RNGTT: variants seen among roughly 807,000 people sequenced by gnomAD.
RNGTT encodes the protein RNA guanylyltransferase and 5'-phosphatase, also known as mRNA-capping enzyme.
A neutral mutation model predicts 79.3 loss-of-function variants in RNGTT; 33 were observed. That is an observed-to-expected ratio of 0.42 (90% CI 0.32 to 0.56). The LOEUF is 0.56. Ranked by LOEUF, RNGTT falls within the 20% of genes least tolerant of loss-of-function variation. The pLI, the probability that RNGTT is intolerant of heterozygous loss-of-function variation, is 0.17. For synonymous variants in RNGTT, 222 were observed against 235.9 expected (o/e 0.94, Z 0.54); for missense variants, 497 against 739.1 (o/e 0.67, Z 3.80).
At chr6:88,962,259 T>C (rs1403390131) in intron 1 of RNGTT, among the ~76,000 whole-genome samples, 1 of 152,074 alleles carries the variant, frequency 6.6e-6, no homozygotes, top group East Asian at 1.9e-4. Flanking sequence ...AGTCAAAATT[T>C]ATCAAACTGT....
chr6:88,945,790 G>A (rs1314631611), intron 1 of RNGTT, among the ~76,000 whole-genome samples: 2 of 152,198 alleles, frequency 1.3e-5, no homozygotes, highest in Non-Finnish European at 2.9e-5. Flanking sequence ...GCCAAAGTTA[G>A]CTATACGACT....
In RNGTT at chr6:88,684,795, T is replaced by A. The variant is rs184366280; in HGVS notation, c.1440-6376A>T. 7.2e-5 allele frequency among the ~76,000 whole-genome samples: 11 copies of A among 152,092 alleles called. No homozygotes were observed. The South Asian group carries it at 8.3e-4, about 12-fold the overall frequency. On this transcript the variant is annotated intron_variant, in intron 13 of 15. Coordinates refer to ENST00000369485, the MANE Select transcript of RNGTT (RefSeq NM_003800.5). ...TACAGACTTTAGTGATAATTACATG[T>A]CAACATAGGTTCATCAACTCTAATA...
chr6:88,699,908 G>A (rs2127801176), intron 13 of RNGTT, among the ~76,000 whole-genome samples: 1 of 152,282 alleles, frequency 6.6e-6, no homozygotes, highest in East Asian at 1.9e-4. Context: ...TACCAGGGGT[G>A]AAGAAGAGAG....
At chr6:88,917,719 T>C (rs1465016183) in intron 4 of RNGTT, among the ~76,000 whole-genome samples, 2 of 152,024 alleles carry the variant, frequency 1.3e-5, no homozygotes, top group Admixed American at 6.6e-5. Context: ...AAACCTCATC[T>C]CTACTAAAAA....
intron 1 of RNGTT, among the ~76,000 whole-genome samples, chr6:88,957,461 T>C (rs1466908031): frequency 1.3e-5 from 2 of 152,170 alleles, no homozygotes; most frequent in African/African-American, 4.8e-5. Flanking sequence ...ATTGTATACA[T>C]AGGAAACCCT....
chr6:88,649,357 A>G (rs2127777022), intron 14 of RNGTT, among the ~76,000 whole-genome samples: 1 of 152,314 alleles, frequency 6.6e-6, no homozygotes, highest in East Asian at 1.9e-4. Context: ...TACAGTGGGC[A>G]ACAGTTCATT....
intron 4 of RNGTT, among the ~76,000 whole-genome samples, chr6:88,912,189 G>A (rs1488662424): frequency 6.6e-6 from 1 of 151,648 alleles, no homozygotes; most frequent in Non-Finnish European, 1.5e-5. Flanking sequence ...GATCACCTGA[G>A]CCCAAGAGTT....
At chr6:88,888,498 G>A (rs187322219) in intron 8 of RNGTT, among the ~76,000 whole-genome samples, 1 of 152,244 alleles carries the variant, frequency 6.6e-6, no homozygotes, top group African/African-American at 2.4e-5. Flanking sequence ...AGGGAAGGGT[G>A]CAGAATGGGT....
At chr6:88,645,516 A>G (rs1262707160) in intron 14 of RNGTT, among the ~76,000 whole-genome samples, 2 of 152,244 alleles carry the variant, frequency 1.3e-5, no homozygotes, top group African/African-American at 4.8e-5. Context: ...TAAAGTTCAT[A>G]TGGAACCAAA....
At position 88,714,653 on chromosome 6, in the gene RNGTT, G is replaced by A. The variant is rs1397176715; in HGVS notation, c.1440-36234C>T. 7.6e-5 allele frequency among the ~76,000 whole-genome samples: 7 copies of A among 91,538 alleles called. 1 individual carries two copies. Among genetic ancestry groups the A allele is most frequent in the South Asian group, 3.2e-4 (1 of 3,112 alleles). 60.1% of individuals were successfully genotyped at this position (91,538 alleles called of 152,430 possible). A position where few individuals can be genotyped will look rare whatever the true frequency, so the allele number is the denominator to read the frequency against. On this transcript the variant is annotated intron_variant, in intron 13 of 15. Coordinates refer to ENST00000369485, the MANE Select transcript of RNGTT (RefSeq NM_003800.5). Reference sequence around the variant, plus strand: ...GAGACGGGGTTTCACCGTTTTAGCCGGGATGGTCTCGATCTCCTGACCTCG... The same window carrying A: ...GAGACGGGGTTTCACCGTTTTAGCCAGGATGGTCTCGATCTCCTGACCTCG...
Position 88,666,975 on chromosome 6 carries a change from T to C in RNGTT, c.1506+11378A>G, listed in dbSNP as rs559811634. 2.0e-5 allele frequency among the ~76,000 whole-genome samples: 3 copies of C among 152,300 alleles called. No individual in the cohort carries two copies. In the South Asian group the frequency reaches 6.2e-4, roughly 32 times the overall value. ...CTATTGAACTCAGGGGGAAAGGACA[T>C]TTAGTATCAGCAAGAAATTTTACAG... On this transcript the variant is annotated intron_variant, in intron 14 of 15. Transcript: ENST00000369485.
chr6:88,893,788 A>G (rs1282772510), intron 6 of RNGTT, among the ~76,000 whole-genome samples: 1 of 151,996 alleles, frequency 6.6e-6, no homozygotes, highest in East Asian at 1.9e-4. Flanking sequence ...CACAACAAAT[A>G]AGTAAAAAGA....
chr6:88,779,250 G>A (rs1258600107), intron 12 of RNGTT, among the ~76,000 whole-genome samples: 1 of 152,140 alleles, frequency 6.6e-6, no homozygotes, highest in African/African-American at 2.4e-5. Flanking sequence ...CACCGCATTT[G>A]CAACCTCTGC....
At chr6:88,941,519 C>T (rs976177002) in intron 1 of RNGTT, among the ~76,000 whole-genome samples, 1 of 152,192 alleles carries the variant, frequency 6.6e-6, no homozygotes, top group Non-Finnish European at 1.5e-5. Flanking sequence ...CCACCCACCT[C>T]GGCCTTCCAA....
chr6:88,868,854 C>CTATAGAA (rs1782263643), intron 8 of RNGTT, among the ~76,000 whole-genome samples: 1 of 152,112 alleles, frequency 6.6e-6, no homozygotes, highest in Non-Finnish European at 1.5e-5. Context: ...CCATCTTTTT[C>CTATAGAA]ATACTCTCAT....
intron 14 of RNGTT, among the ~76,000 whole-genome samples, chr6:88,653,434 T>A (rs1282725793): frequency 6.6e-6 from 1 of 152,096 alleles, no homozygotes; most frequent in African/African-American, 2.4e-5. Context: ...CTAAGAAAAA[T>A]GCTAAATTTC....
intron 11 of RNGTT, among the ~76,000 whole-genome samples, chr6:88,805,712 A>C (rs1257096222): frequency 6.6e-6 from 1 of 152,072 alleles, no homozygotes; most frequent in African/African-American, 2.4e-5. Flanking sequence ...TGGAGAAGAA[A>C]AACTAAGAAA....
At chr6:88,657,602 G>C (rs993123366) in intron 14 of RNGTT, among the ~76,000 whole-genome samples, 1 of 152,180 alleles carries the variant, frequency 6.6e-6, no homozygotes, top group Non-Finnish European at 1.5e-5. Context: ...GTGCAGGCAG[G>C]TGGGAAGGGG....
At chr6:88,695,960 T>C (rs1562200058) in intron 13 of RNGTT, among the ~76,000 whole-genome samples, 2 of 152,162 alleles carry the variant, frequency 1.3e-5, no homozygotes, top group African/African-American at 2.4e-5. Context: ...ATCTAACTTA[T>C]AGACGAGAGT....
Sources: gnomAD v4.1 joint callset for allele counts (sites outside exome capture counted in the v4.1 genomes callset) on GRCh38, gnomAD v4.1.1 for gene constraint, MANE v1.5 for transcripts, NCBI Gene and HGNC (gene_info 2026-07-23, HGNC 2026-07-21) for gene names.